The following SH3RF1 variants were observed in gnomAD, a reference collection of about 807,000 sequenced individuals.
The protein encoded by SH3RF1 is SH3 domain containing ring finger 1, also known as E3 ubiquitin-protein ligase SH3RF1.
A neutral mutation model predicts 74.0 loss-of-function variants in SH3RF1; 32 were observed. The observed-to-expected ratio is 0.43, with a 90% CI of 0.33 to 0.58. The LOEUF is 0.58. Ranked by LOEUF, SH3RF1 falls within the 20% of genes least tolerant of loss-of-function variation. The pLI is 0.05. For synonymous variants in SH3RF1, 396 were observed against 439.6 expected, an observed-to-expected ratio of 0.90 and a Z score of 1.24; for missense variants, 954 against 1,130.9, an observed-to-expected ratio of 0.84 and a Z score of 2.24.
chr4:169,143,249 T>C (rs1039155335), intron 4 of SH3RF1, among the ~76,000 whole-genome samples: 12 of 152,214 alleles, frequency 7.9e-5, no homozygotes, highest in Non-Finnish European at 1.6e-4. Flanking sequence ...TAAAACTCAT[T>C]TTAATAATAC....
intron 6 of SH3RF1, among the ~76,000 whole-genome samples, chr4:169,126,911 T>A (rs1561030728): frequency 6.6e-6 from 1 of 152,246 alleles, no homozygotes; most frequent in African/African-American, 2.4e-5. Context: ...AAATTTGGAA[T>A]GCAATCTGTT....
intron 4 of SH3RF1, among the ~76,000 whole-genome samples, chr4:169,149,675 A>G (rs934769922): frequency 4.6e-5 from 7 of 152,178 alleles, no homozygotes; most frequent in African/African-American, 1.7e-4. Flanking sequence ...ACTTACCCAC[A>G]ATCTCCCTAA....
At chr4:169,106,086 ATG>A (rs374628496) in intron 11 of SH3RF1, among the ~76,000 whole-genome samples, 5 of 151,324 alleles carry the variant, frequency 3.3e-5, no homozygotes, top group Non-Finnish European at 5.9e-5. Flanking sequence ...AACAGTATAT[ATG>A]TGTGTGTGTA....
intron 10 of SH3RF1, among the ~76,000 whole-genome samples, chr4:169,110,240 C>T (rs1171661111): frequency 1.3e-5 from 2 of 150,868 alleles, no homozygotes; most frequent in Non-Finnish European, 1.5e-5. Context: ...TATGGTGGCT[C>T]ATGCCTTTAG....
At chr4:169,268,309 T>C (rs1391406722) in intron 2 of SH3RF1, among the ~76,000 whole-genome samples, 1 of 152,220 alleles carries the variant, frequency 6.6e-6, no homozygotes, top group Non-Finnish European at 1.5e-5. Flanking sequence ...CATGATTTGT[T>C]AAGAATTCCA....
intron 2 of SH3RF1, among the ~76,000 whole-genome samples, chr4:169,265,515 C>T (rs1218599064): frequency 6.6e-6 from 1 of 152,062 alleles, no homozygotes; most frequent in Non-Finnish European, 1.5e-5. Flanking sequence ...CTCTTTTTGG[C>T]CAGACTGGAG....
chr4:169,255,931 C>G (rs1731186531), intron 2 of SH3RF1, among the ~76,000 whole-genome samples: 1 of 151,880 alleles, frequency 6.6e-6, no homozygotes, highest in African/African-American at 2.4e-5. Flanking sequence ...CCATGCCAAG[C>G]TAATTTTTTT....
At chr4:169,116,948 T>C (rs374915001) in intron 9 of SH3RF1, among the ~76,000 whole-genome samples, 1 of 152,222 alleles carries the variant, frequency 6.6e-6, no homozygotes, top group Non-Finnish European at 1.5e-5. Context: ...TATTCTACAG[T>C]GTCAAGCGAT....
Position 169,096,128 on chromosome 4 carries a change from C to T in SH3RF1, c.*391G>A, listed in dbSNP as rs1732925072. ...TCCAGCTTCTCCTTACCTATCATTT[C>T]ATAAATTAATAATTTCTTAAAATCA... On this transcript the variant is annotated 3_prime_UTR_variant, in exon 12 of 12. Transcript: ENST00000284637. 6.3e-6 allele frequency: 1 copy of T among 158,866 alleles called. No homozygotes were observed. The highest frequency in any genetic ancestry group is 2.0e-4 in the South Asian group (1 of 4,936). The allele number at this position is 158,866 out of a possible 1,614,324, so 9.8% of individuals were successfully genotyped here. A position where few individuals can be genotyped will look rare whatever the true frequency, so the allele number is the denominator to read the frequency against.
chr4:169,118,839 C>T (rs185561262), intron 8 of SH3RF1, among the ~76,000 whole-genome samples: 18 of 152,286 alleles, frequency 1.2e-4, no homozygotes, highest in Non-Finnish European at 2.9e-5. Context: ...TGTGAAATAA[C>T]TCTCCTGTAT....
At chr4:169,106,786 G>A (rs572429200) in intron 11 of SH3RF1, 61 bp downstream of exon 11, 3 of 1,305,018 alleles carry the variant, frequency 2.3e-6, no homozygotes, top group African/African-American at 1.5e-5. Context: ...TCACAATAAT[G>A]TTCCAGCCTA....
chr4:169,268,282 A>C lies in SH3RF1; in HGVS notation c.393+538T>G, dbSNP rs1731386183. ...GACATTTTGTTGCTACAGCAACGAA[A>C]CTCTGCTACCTGTAGCCATGATTTG... is the stretch of plus-strand genomic sequence containing the variant. On this transcript the variant is annotated intron_variant, in intron 2 of 11. Coordinates refer to ENST00000284637, the MANE Select transcript of SH3RF1 (RefSeq NM_020870.4). Among the ~76,000 whole-genome samples the C allele has an allele frequency of 2.6e-5, 4 of 151,968 alleles. No individual in the cohort carries two copies. In the South Asian group the frequency reaches 6.2e-4, roughly 24 times the overall value.
intron 2 of SH3RF1, among the ~76,000 whole-genome samples, chr4:169,157,215 T>C (rs569623209): frequency 6.6e-6 from 1 of 152,344 alleles, no homozygotes; most frequent in African/African-American, 2.4e-5. Context: ...ATGTGGGCAG[T>C]AGGTCTTACT....
At chr4:169,196,464 T>C (rs1395994693) in intron 2 of SH3RF1, among the ~76,000 whole-genome samples, 1 of 152,262 alleles carries the variant, frequency 6.6e-6, no homozygotes, top group Non-Finnish European at 1.5e-5. Context: ...TATGGTGTGC[T>C]ACTGCTTTTG....
intron 2 of SH3RF1, among the ~76,000 whole-genome samples, chr4:169,216,584 T>C (rs529696395): frequency 5.4e-4 from 82 of 152,250 alleles, no homozygotes; most frequent in Non-Finnish European, 9.7e-4. Context: ...CTCACCTCTA[T>C]AGTCCGAGAA....
chr4:169,106,839 G>GAACTT lies in SH3RF1; in HGVS notation c.2498+3_2498+7dup. On this transcript the variant is annotated splice_region_variant and intron_variant, in intron 11 of 11. Transcript: ENST00000284637. ...TTTAGTTTTTTCCTGGAACGAAGTT[G>GAACTT]AACTTACCTTTCACAAACGACAGGT... The GAACTT allele has an allele frequency of 6.5e-7, 1 of 1,540,242 alleles. No individual in the cohort carries two copies. The highest frequency in any genetic ancestry group is 8.8e-7 in the Non-Finnish European group (1 of 1,141,634).
chr4:169,165,441 G>C (rs2126969883), intron 2 of SH3RF1, among the ~76,000 whole-genome samples: 1 of 152,266 alleles, frequency 6.6e-6, no homozygotes, highest in East Asian at 1.9e-4. Context: ...CAGCACTTTG[G>C]GAGGCTAAGG....
intron 9 of SH3RF1, 116 bp from the exon 10 acceptor site, chr4:169,116,746 T>A: frequency 2.3e-6 from 3 of 1,325,116 alleles, no homozygotes; most frequent in Non-Finnish European, 3.0e-6. Context: ...ATTGTATTTA[T>A]TACAATAAAG....
At position 169,120,972 on chromosome 4, in the gene SH3RF1, G is replaced by C; in HGVS notation, c.1364C>G (p.Pro455Arg). 6.2e-7 allele frequency: 1 copy of C among 1,613,576 alleles called. No homozygotes were observed. The highest frequency in any genetic ancestry group is 8.5e-7 in the Non-Finnish European group (1 of 1,179,550). The change falls in exon 8 of 12, where the codon CCA becomes CGA. Residue 455 changes from proline (P) to arginine (R), a missense_variant. Physicochemically the swap from Pro to Arg is moderately radical, Grantham distance 103 (BLOSUM62 -2). This residue lies in a region of SH3RF1 where 854 missense variants were observed against 962.5 expected (regional missense o/e 0.89). Coordinates refer to ENST00000284637, the MANE Select transcript of SH3RF1 (RefSeq NM_020870.4). Reference protein sequence around the residue: ...TRPSVYVAIYPYTPRKEDELE... With the variant: ...TRPSVYVAIYRYTPRKEDELE... ...TTCATCCTCTTTCCGAGGAGTGTATGGATATATAGCAACATACCTAGAATA... is the reference window on the plus strand; with the variant it reads ...TTCATCCTCTTTCCGAGGAGTGTATCGATATATAGCAACATACCTAGAATA...
Sources: allele counts gnomAD v4.1 joint callset (sites outside exome capture counted in the v4.1 genomes callset), GRCh38; gene constraint gnomAD v4.1.1; regional missense constraint gnomAD v4.1.1; transcripts MANE v1.5; gene names NCBI Gene and HGNC (gene_info 2026-07-23, HGNC 2026-07-21).